NSUN6: variants seen among roughly 807,000 people sequenced by gnomAD.
The protein encoded by NSUN6 is NOP2/Sun RNA methyltransferase 6, also known as tRNA (cytosine(72)-C(5))-methyltransferase NSUN6.
In NSUN6, 64 loss-of-function variants were observed where a neutral mutation model predicts 58.0. The observed-to-expected ratio is 1.10, with a 90% confidence interval of 0.90 to 1.36. The LOEUF is 1.36. Ranked by LOEUF, NSUN6 falls within the 40% of genes most tolerant of loss-of-function variation. The probability of loss-of-function intolerance (pLI) is 0.00; values close to 1 mark genes in which losing one functional copy is unlikely to be tolerated. For missense variants in NSUN6, 701 were observed against 550.1 expected (o/e 1.27, Z -2.74); for synonymous variants, 231 against 193.9 (o/e 1.19, Z -1.59).
intron 7 of NSUN6, among the ~76,000 whole-genome samples, chr10:18,588,081 T>C (rs1293419809): frequency 6.6e-6 from 1 of 152,178 alleles, no homozygotes; most frequent in Non-Finnish European, 1.5e-5. Context: ...ATGACCGAGC[T>C]TGGTGGGCAT....
At chr10:18,580,881 G>T (rs2056874904) in intron 8 of NSUN6, among the ~76,000 whole-genome samples, 1 of 152,220 alleles carries the variant, frequency 6.6e-6, no homozygotes, top group African/African-American at 2.4e-5. Context: ...CGACCAAGGG[G>T]CACAAGGCAG....
intron 5 of NSUN6, among the ~76,000 whole-genome samples, chr10:18,611,263 G>T (rs1271289827): frequency 6.6e-6 from 1 of 152,050 alleles, no homozygotes; most frequent in African/African-American, 2.4e-5. Context: ...TCCAAGGAGA[G>T]TCCCATTAGG....
chr10:18,577,276 G>A (rs1246537726), intron 8 of NSUN6, among the ~76,000 whole-genome samples: 1 of 152,166 alleles, frequency 6.6e-6, no homozygotes, highest in African/African-American at 2.4e-5. Context: ...GCCCCTGATG[G>A]AAATATAACA....
intron 4 of NSUN6, 25 bp from the exon 5 acceptor site, chr10:18,614,638 A>T (rs773415858): frequency 8.1e-7 from 1 of 1,231,920 alleles, no homozygotes; most frequent in African/African-American, 1.6e-5. Context: ...AAATCAGATT[A>T]CACTGATTTA....
chr10:18,648,494 T>C lies in NSUN6; in HGVS notation c.227A>G (p.Gln76Arg). ...TGACAGAAAATTTCCACAAACCTTC[T>C]GAAGTTCATCAAGTAACAGATTTTT... ...HVKNLLLDEL[Q>R]KQFNGLSVPI... The change falls in exon 2 of 11, where the codon CAG becomes CGG. Residue 76 changes from glutamine (Q) to arginine (R), a missense_variant. Gln to Arg is a conservative substitution (Grantham distance 43). Transcript: ENST00000377304. The C allele has an allele frequency of 6.3e-7, 1 of 1,595,534 alleles. No individual in the cohort carries two copies. The highest frequency in any genetic ancestry group is 8.6e-7 in the Non-Finnish European group (1 of 1,167,688).
intron 3 of NSUN6, among the ~76,000 whole-genome samples, chr10:18,637,557 G>T (rs961473637): frequency 6.6e-6 from 1 of 152,228 alleles, no homozygotes; most frequent in African/African-American, 2.4e-5. Flanking sequence ...GTAAAACTTT[G>T]TAGAGGGTAA....
chr10:18,642,783 T>C (rs2059427068), intron 2 of NSUN6, among the ~76,000 whole-genome samples: 1 of 152,192 alleles, frequency 6.6e-6, no homozygotes, highest in African/African-American at 2.4e-5. Context: ...CAATTTTGCT[T>C]ACTATTTGGC....
At chr10:18,617,237 G>A (rs1209307811) in intron 3 of NSUN6, among the ~76,000 whole-genome samples, 1 of 148,616 alleles carries the variant, frequency 6.7e-6, no homozygotes, top group East Asian at 2.0e-4. Flanking sequence ...ACCCAAGCTG[G>A]AGTGCAGTGA....
chr10:18,548,048 T>A, intron 10 of NSUN6, 64 bp downstream of exon 10: 1 of 1,506,494 alleles, frequency 6.6e-7, no homozygotes, highest in Non-Finnish European at 9.2e-7. Context: ...ACACCCTGAT[T>A]ACCACAGTGC....
rs545807482 is a variant in NSUN6 at position 18,605,504 on chromosome 10, G to A, written c.657+4341C>T. Among the ~76,000 whole-genome samples the A allele has an allele frequency of 2.9e-4, 44 of 152,274 alleles. 1 individual carries two copies. The South Asian group carries it at 5.4e-3, about 19-fold the overall frequency. ...AAAAATCATCAATGGATGCAAAATC[G>A]AGGGGGAAATTTGAATTAGGAGCAG... On this transcript the variant is annotated intron_variant, in intron 6 of 10. Transcript: ENST00000377304.
intron 8 of NSUN6, among the ~76,000 whole-genome samples, chr10:18,576,356 G>A (rs1447729697): frequency 1.3e-5 from 2 of 151,904 alleles, no homozygotes; most frequent in African/African-American, 4.8e-5. Context: ...TAGTGAATTG[G>A]GACCATTTAA....
rs1007017420 is a variant in NSUN6 at position 18,582,638 on chromosome 10, T to C, written c.922+3311A>G. On this transcript the variant is annotated intron_variant, in intron 8 of 10. Coordinates refer to ENST00000377304, the MANE Select transcript of NSUN6 (RefSeq NM_182543.5). Reference sequence around the variant, plus strand: ...GGGCAACTTATGTCCCAGGGCACTGTTGAAAAGAATAAAGCAATCAATCTG... The same window carrying C: ...GGGCAACTTATGTCCCAGGGCACTGCTGAAAAGAATAAAGCAATCAATCTG... Among the ~76,000 whole-genome samples the C allele has an allele frequency of 4.6e-5, 7 of 152,218 alleles. No homozygotes were observed. In the East Asian group the frequency reaches 9.7e-4, roughly 21 times the overall value.
At chr10:18,563,915 T>C (rs1435374649) in intron 8 of NSUN6, among the ~76,000 whole-genome samples, 1 of 150,854 alleles carries the variant, frequency 6.6e-6, no homozygotes, top group Non-Finnish European at 1.5e-5. Flanking sequence ...CATTACATTC[T>C]CCATTCCATT....
intron 6 of NSUN6, among the ~76,000 whole-genome samples, chr10:18,604,686 C>T (rs763507299): frequency 5.9e-5 from 9 of 151,710 alleles, no homozygotes; most frequent in Admixed American, 2.0e-4. Context: ...GAGTTCAAGA[C>T]CAGCCTGGCC....
At chr10:18,642,223 G>T (rs1296214624) in intron 3 of NSUN6, among the ~76,000 whole-genome samples, 2 of 151,516 alleles carry the variant, frequency 1.3e-5, no homozygotes, top group African/African-American at 4.9e-5. Context: ...AAGTGGGGGG[G>T]GGAAAACATC....
intron 8 of NSUN6, among the ~76,000 whole-genome samples, chr10:18,564,765 GCATTCCATTCCATTCTC>G (rs1238657368): frequency 5.8e-5 from 6 of 103,798 alleles, no homozygotes; most frequent in South Asian, 3.0e-4. Flanking sequence ...ATACCATACT[GCATTCCATTCCATTCTC>G]CATTCCATTC....
intron 3 of NSUN6, among the ~76,000 whole-genome samples, chr10:18,617,185 GTTTTTTTTT>G (rs35698731): frequency 7.8e-6 from 1 of 127,666 alleles, no homozygotes; most frequent in Non-Finnish European, 1.6e-5. Context: ...AGCCTTTCTA[GTTTTTTTTT>G]TTTTTTTTTT....
intron 7 of NSUN6, among the ~76,000 whole-genome samples, chr10:18,588,120 T>C (rs138410094): frequency 6.6e-6 from 1 of 152,280 alleles, no homozygotes; most frequent in South Asian, 2.1e-4. Context: ...CAGGAGGCTG[T>C]TGTACCTTGA....
chr10:18,609,288 A>G (rs1271120830), intron 6 of NSUN6, among the ~76,000 whole-genome samples: 2 of 152,082 alleles, frequency 1.3e-5, no homozygotes, highest in African/African-American at 4.8e-5. Flanking sequence ...TCCAGCCTAG[A>G]CAACAGAGTG....
Sources: gnomAD v4.1 joint callset for allele counts (sites outside exome capture counted in the v4.1 genomes callset) on GRCh38, gnomAD v4.1.1 for gene constraint, MANE v1.5 for transcripts, NCBI Gene and HGNC (gene_info 2026-07-23, HGNC 2026-07-21) for gene names.